The following MEF2C variants were observed in gnomAD, a reference collection of about 807,000 sequenced individuals.
The protein encoded by MEF2C is myocyte-specific enhancer factor 2C.
Under a neutral mutation model 50.5 loss-of-function variants are expected in MEF2C, and 6 were observed. The ratio of observed to expected loss-of-function variants is 0.12; its 90% CI spans 0.07 to 0.23. MEF2C has a LOEUF of 0.23. MEF2C is among the 10% of genes least tolerant of loss of function. The pLI is 1.00. For synonymous variants in MEF2C, 183 were observed against 228.0 expected, an observed-to-expected ratio of 0.80 and a Z score of 1.78; for missense variants, 276 against 605.0, an observed-to-expected ratio of 0.46 and a Z score of 5.70.
chr5:88,824,258 C>CA, intron 1 of MEF2C: 1 of 950,252 alleles, frequency 1.1e-6, no homozygotes, highest in African/African-American at 2.6e-5. Flanking sequence ...GTGACAATTT[C>CA]ACCCGTTATG....
At chr5:88,758,803 G>A (rs1001305913) in intron 4 of MEF2C, among the ~76,000 whole-genome samples, 14 of 152,156 alleles carry the variant, frequency 9.2e-5, no homozygotes, top group Admixed American at 3.9e-4. Context: ...AAACTCTAAT[G>A]TGGTTTTTCA....
intron 3 of MEF2C, among the ~76,000 whole-genome samples, chr5:88,803,455 T>G (rs925504353): frequency 2.0e-5 from 3 of 151,796 alleles, no homozygotes; most frequent in East Asian, 1.9e-4. Flanking sequence ...TAGCACTACA[T>G]TTTTTTACAA....
intron 2 of MEF2C, among the ~76,000 whole-genome samples, chr5:88,814,686 T>A (rs986165568): frequency 4.6e-5 from 7 of 151,986 alleles, no homozygotes; most frequent in African/African-American, 1.7e-4. Flanking sequence ...AATCCCAAAA[T>A]AAAACTCCAA....
intron 1 of MEF2C, among the ~76,000 whole-genome samples, chr5:88,900,530 T>C (rs1835546779): frequency 6.6e-6 from 1 of 151,868 alleles, no homozygotes; most frequent in African/African-American, 2.4e-5. Context: ...ATATTTCCAG[T>C]TTGGAAATCC....
rs1238637671 is a variant in MEF2C, at chr5:88,739,330, T to C, written c.638-7429A>G. 1.1e-5 allele frequency: 11 copies of C among 984,726 alleles called. No homozygotes were observed. In the South Asian group the frequency reaches 3.3e-4, roughly 29 times the overall value. 61.0% of individuals were successfully genotyped at this position (984,726 alleles called of 1,614,324 possible). Reference sequence around the variant, plus strand: ...CTGCTTTTACTTCAACAAAATGTTTTACTCACTTTAAAAAAAAAATAAAGC... The same window carrying C: ...CTGCTTTTACTTCAACAAAATGTTTCACTCACTTTAAAAAAAAAATAAAGC... On this transcript the variant is annotated intron_variant, in intron 6 of 10. Coordinates refer to ENST00000504921, the MANE Select transcript of MEF2C (RefSeq NM_002397.5).
chr5:88,847,301 G>A (rs905401782), intron 1 of MEF2C, among the ~76,000 whole-genome samples: 1 of 152,088 alleles, frequency 6.6e-6, no homozygotes, highest in Non-Finnish European at 1.5e-5. Context: ...AAGAATAAAT[G>A]ATATTCTAGT....
At chr5:88,876,849 T>C (rs931125316) in intron 1 of MEF2C, among the ~76,000 whole-genome samples, 2 of 152,016 alleles carry the variant, frequency 1.3e-5, no homozygotes, top group African/African-American at 4.8e-5. Flanking sequence ...GCAATTTATA[T>C]GAATTCTTCA....
chr5:88,833,744 G>A (rs987189488), intron 1 of MEF2C, among the ~76,000 whole-genome samples: 2 of 152,150 alleles, frequency 1.3e-5, no homozygotes, highest in African/African-American at 2.4e-5. Flanking sequence ...CTCAGCCTGA[G>A]CTTCCGTATG....
chr5:88,740,714 G>T (rs1216699754), intron 6 of MEF2C: 2 of 984,354 alleles, frequency 2.0e-6, no homozygotes, highest in Non-Finnish European at 2.4e-6. Flanking sequence ...TCTCCTTTGG[G>T]TACTGATTTA....
At chr5:88,725,780 C>T (rs370079088) in intron 10 of MEF2C, among the ~76,000 whole-genome samples, 1 of 152,138 alleles carries the variant, frequency 6.6e-6, no homozygotes, top group South Asian at 2.1e-4. Flanking sequence ...TTTAACCTAA[C>T]CTTTTATAAG....
At chr5:88,780,767 T>C in intron 3 of MEF2C, 2 of 985,360 alleles carry the variant, frequency 2.0e-6, no homozygotes, top group Non-Finnish European at 2.4e-6. Context: ...GAAGAGAAAC[T>C]GGCAGCATAG....
intron 3 of MEF2C, among the ~76,000 whole-genome samples, chr5:88,795,692 T>C (rs1795745382): frequency 6.6e-6 from 1 of 152,172 alleles, no homozygotes; most frequent in Middle Eastern, 3.2e-3. Flanking sequence ...ATAGGAGTGG[T>C]GAGAGAGGGC....
intron 3 of MEF2C, among the ~76,000 whole-genome samples, chr5:88,774,225 C>A (rs1251055645): frequency 6.6e-6 from 1 of 152,182 alleles, no homozygotes; most frequent in Non-Finnish European, 1.5e-5. Context: ...CTCTATCTAC[C>A]AACAACTACA....
chr5:88,750,615 A>G (rs1449875044), intron 5 of MEF2C, among the ~76,000 whole-genome samples: 1 of 152,224 alleles, frequency 6.6e-6, no homozygotes, highest in Non-Finnish European at 1.5e-5. Flanking sequence ...AGGAAAGTGA[A>G]CTGCATTCTA....
chr5:88,791,859 C>T (rs977579060), intron 3 of MEF2C, among the ~76,000 whole-genome samples: 10 of 151,676 alleles, frequency 6.6e-5, no homozygotes, highest in African/African-American at 2.4e-4. Flanking sequence ...TTTTAAATAA[C>T]AAAATCTTTT....
At chr5:88,885,541 A>G (rs531410126), upstream of MEF2C, among the ~76,000 whole-genome samples, 1 of 152,338 alleles carries the variant, frequency 6.6e-6, no homozygotes, top group East Asian at 1.9e-4. Flanking sequence ...GTTTGCCATT[A>G]CCATGAATTC....
intron 1 of MEF2C, among the ~76,000 whole-genome samples, chr5:88,852,735 A>G (rs1324391741): frequency 1.3e-5 from 2 of 151,924 alleles, no homozygotes; most frequent in East Asian, 3.9e-4. Flanking sequence ...AGAAACTAAA[A>G]ACACAAATAC....
chr5:88,760,719 T>G, intron 4 of MEF2C, among the ~76,000 whole-genome samples: 1 of 152,326 alleles, frequency 6.6e-6, no homozygotes, highest in Middle Eastern at 3.4e-3. Flanking sequence ...TTTAAAAGAT[T>G]GTGTAAATTT....
chr5:88,769,100 A>T (rs1781271022), intron 3 of MEF2C, among the ~76,000 whole-genome samples: 2 of 152,240 alleles, frequency 1.3e-5, no homozygotes, highest in African/African-American at 2.4e-5. Context: ...AAAGGGAGTG[A>T]TATTTTAGGC....
Sources: allele counts gnomAD v4.1 joint callset (sites outside exome capture counted in the v4.1 genomes callset), GRCh38; gene constraint gnomAD v4.1.1; transcripts MANE v1.5; gene names NCBI Gene and HGNC (gene_info 2026-07-23, HGNC 2026-07-21).